Variants in HSD17B14 observed in about 807,000 individuals in gnomAD.
HSD17B14 encodes the protein hydroxysteroid 17-beta dehydrogenase 14.
In HSD17B14, 32 loss-of-function variants were observed where a neutral mutation model predicts 32.2. The observed-to-expected ratio is 0.99, with a 90% CI of 0.75 to 1.33. The LOEUF is 1.33. Among genes scored for constraint, HSD17B14 ranks in the 40% most tolerant of loss-of-function variants. HSD17B14 has a pLI of 0.00. For missense variants in HSD17B14, 370 were observed against 366.5 expected, an observed-to-expected ratio of 1.01 and a Z score of -0.08; for synonymous variants, 140 against 155.4, an observed-to-expected ratio of 0.90 and a Z score of 0.74.
chr19:48,827,547 G>A (rs543464129), intron 5 of HSD17B14, among the ~76,000 whole-genome samples: 99 of 150,268 alleles, frequency 6.6e-4, no homozygotes, highest in African/African-American at 2.3e-3. Context: ...CTTCTCCTTC[G>A]TTTTTTTTTA....
chr19:48,828,011 C>T lies in HSD17B14; in HGVS notation c.369+3657G>A, dbSNP rs184013578. ...CTGGGACTACAGGAGCCCGCCACCG[C>T]GCCCAGCTAATTTTTTGTATTTTTA... On this transcript the variant is annotated intron_variant, in intron 5 of 8. Transcript: ENST00000263278. Among the ~76,000 whole-genome samples, 116 of 152,018 alleles carry T rather than the reference C, an allele frequency of 7.6e-4. 1 individual carries two copies. Among genetic ancestry groups the T allele is most frequent in the African/African-American group, 2.6e-3 (109 of 41,466 alleles).
chr19:48,835,743 G>T, intron 2 of HSD17B14, 62 bp downstream of exon 2: 1 of 1,551,712 alleles, frequency 6.4e-7, no homozygotes, highest in South Asian at 1.1e-5. Context: ...GGTGCTAGGG[G>T]TCTGGACCTC....
intron 1 of HSD17B14, 82 bp downstream of exon 1, chr19:48,836,242 T>C (rs2035511266): frequency 1.5e-6 from 2 of 1,323,408 alleles, no homozygotes; most frequent in African/African-American, 1.5e-5. Flanking sequence ...AGTACTGGAG[T>C]CCCTATTTTC....
At chr19:48,824,288 T>A (rs889465456) in intron 5 of HSD17B14, among the ~76,000 whole-genome samples, 8 of 137,822 alleles carry the variant, frequency 5.8e-5, no homozygotes, top group African/African-American at 2.3e-4. Context: ...ATTAGTCGGG[T>A]GCTGTGGCAT....
intron 5 of HSD17B14, among the ~76,000 whole-genome samples, chr19:48,818,524 T>C (rs2035095308): frequency 2.0e-5 from 3 of 149,696 alleles, no homozygotes; most frequent in Admixed American, 2.0e-4. Flanking sequence ...TGCCCTGCTG[T>C]TTAATCTCCT....
intron 5 of HSD17B14, among the ~76,000 whole-genome samples, chr19:48,816,785 T>TTCTTTCTTTC (rs1429118996): frequency 9.9e-6 from 1 of 101,488 alleles, no homozygotes; most frequent in Admixed American, 1.1e-4. Flanking sequence ...CCCTTTTTCT[T>TTCTTTCTTTC]TCTTTCTTTC....
chr19:48,823,844 T>C (rs2035198587), intron 5 of HSD17B14, among the ~76,000 whole-genome samples: 1 of 150,090 alleles, frequency 6.7e-6, no homozygotes, highest in Non-Finnish European at 1.5e-5. Context: ...TTTCACCATG[T>C]TAGCCAGGCT....
intron 3 of HSD17B14, among the ~76,000 whole-genome samples, chr19:48,833,310 T>C (rs2035379832): frequency 6.6e-6 from 1 of 151,348 alleles, no homozygotes; most frequent in Non-Finnish European, 1.5e-5. Flanking sequence ...AGAGAGCGCG[T>C]AGGGGACAGT....
At chr19:48,816,956 T>C (rs655689) in intron 5 of HSD17B14, among the ~76,000 whole-genome samples, 114,435 of 149,198 alleles carry the variant, frequency 0.77, 44,367 homozygotes, top group African/African-American at 0.88. Context: ...CTGCCTCGGC[T>C]TCCCGAGTAG....
intron 5 of HSD17B14, among the ~76,000 whole-genome samples, chr19:48,817,067 G>A (rs997103134): frequency 7.1e-6 from 1 of 140,016 alleles, no homozygotes; most frequent in African/African-American, 2.7e-5. Context: ...GGCTGGTCTC[G>A]AACTCCTGAT....
chr19:48,817,765 G>A (rs986020751), intron 5 of HSD17B14, among the ~76,000 whole-genome samples: 1 of 152,174 alleles, frequency 6.6e-6, no homozygotes, highest in Non-Finnish European at 1.5e-5. Context: ...ATGAATGGAG[G>A]ACCTGGTATG....
rs749277970 is a variant in HSD17B14 at position 48,813,363 on chromosome 19, G to C, written c.640-15C>G. 9 of 1,563,372 alleles carry C rather than the reference G, an allele frequency of 5.8e-6. No homozygotes were observed. In the South Asian group the frequency reaches 7.0e-5, roughly 12 times the overall value. On this transcript the variant is annotated splice_polypyrimidine_tract_variant and intron_variant, in intron 8 of 8. Transcript: ENST00000263278. ...CGGCCCAGTGGCTGGGGAGAAAAGA[G>C]GGGGGAAGGAGGTCAAGAGGAGCCC...
At chr19:48,817,883 C>A (rs984433244) in intron 5 of HSD17B14, among the ~76,000 whole-genome samples, 3 of 152,190 alleles carry the variant, frequency 2.0e-5, no homozygotes, top group African/African-American at 7.2e-5. Flanking sequence ...ATTTCACAAG[C>A]GAGGAGACTA....
At chr19:48,815,722 T>C (rs1426370354) in intron 5 of HSD17B14, among the ~76,000 whole-genome samples, 2 of 151,988 alleles carry the variant, frequency 1.3e-5, no homozygotes, top group Non-Finnish European at 2.9e-5. Context: ...CTATGAGGCC[T>C]TCATGAAAGG....
intron 1 of HSD17B14, 123 bp from the exon 2 acceptor site, chr19:48,835,966 C>A: frequency 1.2e-6 from 1 of 834,934 alleles, no homozygotes; most frequent in Non-Finnish European, 1.9e-6. Flanking sequence ...TCATGATCAC[C>A]CATAGGACAG....
Position 48,813,120 on chromosome 19 carries a change from G to T in HSD17B14, c.*55C>A. 8.1e-7 allele frequency: 1 copy of T among 1,232,878 alleles called. No individual in the cohort carries two copies. The highest frequency in any genetic ancestry group is 2.4e-5 in the East Asian group (1 of 41,660). The allele number at this position is 1,232,878 out of a possible 1,614,324, so 76.4% of individuals were successfully genotyped here. A position where few individuals can be genotyped will look rare whatever the true frequency, so the allele number is the denominator to read the frequency against. ...TTGGGGGCTGCATCTGATACAGGTTGGAGTTTGGGGTGGGAGAGTCCTAGG... is the reference window on the plus strand; with the variant it reads ...TTGGGGGCTGCATCTGATACAGGTTTGAGTTTGGGGTGGGAGAGTCCTAGG... On this transcript the variant is annotated 3_prime_UTR_variant, in exon 9 of 9. Coordinates refer to ENST00000263278, the MANE Select transcript of HSD17B14 (RefSeq NM_016246.3).
intron 5 of HSD17B14, among the ~76,000 whole-genome samples, chr19:48,819,493 C>T (rs1246698373): frequency 6.6e-6 from 1 of 152,190 alleles, no homozygotes; most frequent in Non-Finnish European, 1.5e-5. Flanking sequence ...CAAGGCCCTG[C>T]CTGATCTGGT....
rs1290895352 is a variant in HSD17B14, at chr19:48,819,508, AC to A, written c.370-4368del. Among the ~76,000 whole-genome samples, 8 of 152,062 alleles carry A rather than the reference AC, an allele frequency of 5.3e-5. No homozygotes were observed. In the South Asian group the frequency reaches 1.0e-3, roughly 20 times the overall value. Reference sequence around the variant, plus strand: ...CAAGGCCCTGCCTGATCTGGTTCCCACCCCAATCTCTTCTTGCAACATCCCG... The same window carrying A: ...CAAGGCCCTGCCTGATCTGGTTCCCACCCAATCTCTTCTTGCAACATCCCG... On this transcript the variant is annotated intron_variant, in intron 5 of 8. Coordinates refer to ENST00000263278, the MANE Select transcript of HSD17B14 (RefSeq NM_016246.3).
chr19:48,821,049 G>A (rs2035139730), intron 5 of HSD17B14, among the ~76,000 whole-genome samples: 1 of 131,538 alleles, frequency 7.6e-6, no homozygotes, highest in Non-Finnish European at 1.6e-5. Flanking sequence ...GTCTCACTCT[G>A]TCACCCAGGC....
Sources: gnomAD v4.1 joint callset for allele counts (sites outside exome capture counted in the v4.1 genomes callset) on GRCh38, gnomAD v4.1.1 for gene constraint, MANE v1.5 for transcripts, NCBI Gene and HGNC (gene_info 2026-07-23, HGNC 2026-07-21) for gene names.